Variants in LNX2 observed in about 807,000 individuals in gnomAD.
LNX2 encodes the protein ligand of Numb protein X 2.
Under a neutral mutation model 66.2 loss-of-function variants are expected in LNX2, and 35 were observed. The observed-to-expected ratio is 0.53, with a 90% confidence interval of 0.40 to 0.70. LNX2 has a LOEUF of 0.70. LNX2 is among the 30% of genes least tolerant of loss of function. LNX2 has a pLI of 0.00. For missense variants in LNX2, 791 were observed against 850.8 expected (o/e 0.93, Z 0.87); for synonymous variants, 337 against 315.6 (o/e 1.07, Z -0.72).
chr13:27,558,891 T>G (rs1050640300), intron 6 of LNX2, among the ~76,000 whole-genome samples: 1 of 152,252 alleles, frequency 6.6e-6, no homozygotes, highest in East Asian at 1.9e-4. Flanking sequence ...TATGCTTTCT[T>G]AGGGTACCAG....
In LNX2 at chr13:27,581,361, G is replaced by T; in HGVS notation, c.343C>A (p.Pro115Thr). 2 of 1,570,406 alleles carry T rather than the reference G, an allele frequency of 1.3e-6. No individual in the cohort carries two copies. Among genetic ancestry groups the T allele is most frequent in the Non-Finnish European group, 1.7e-6 (2 of 1,154,686 alleles). ...ACATCTTTGCACACTGAAGAAAATG[G>T]ACATAAAACTAATAATTTGTCTAGG... ...KLLDKLLVLC[P>T]FSSVCKDVMQ... is the part of the protein sequence containing the mutation. The change falls in exon 2 of 10, where the codon CCA becomes ACA. Residue 115 changes from proline to threonine, a missense_variant. Physicochemically the swap from Pro to Thr is conservative, Grantham distance 38 (BLOSUM62 -1). Transcript: ENST00000316334.
intron 1 of LNX2, among the ~76,000 whole-genome samples, chr13:27,614,018 T>C (rs186892634): frequency 3.9e-5 from 6 of 152,318 alleles, no homozygotes; most frequent in East Asian, 1.9e-4. Flanking sequence ...AGTGAAAACA[T>C]AGCAGTGGGG....
chr13:27,588,133 A>G (rs1955511906), intron 1 of LNX2, among the ~76,000 whole-genome samples: 1 of 152,084 alleles, frequency 6.6e-6, no homozygotes, highest in South Asian at 2.1e-4. Flanking sequence ...AAATTCATGC[A>G]ACTACCATAT....
rs1254840221 is a variant in LNX2 at position 27,583,210 on chromosome 13, G to GCGCGCGCGTGCCCTCTCCAATATAACTT, written c.-100-1408_-100-1407insAAGTTATATTGGAGAGGGCACGCGCGCG. On this transcript the variant is annotated intron_variant, in intron 1 of 9. Coordinates refer to ENST00000316334, the MANE Select transcript of LNX2 (RefSeq NM_153371.4). ...TGTGTGTGTGTGTGTGTGTGTGTGT[G>GCGCGCGCGTGCCCTCTCCAATATAACTT]TGTGTGTGTGTGTGTGTGTGTGTGT... Among the ~76,000 whole-genome samples the GCGCGCGCGTGCCCTCTCCAATATAACTT allele has an allele frequency of 1.9e-3, 42 of 22,084 alleles. 6 individuals carry two copies. The highest frequency in any genetic ancestry group is 2.9e-3 in the Non-Finnish European group (32 of 11,062). 14.5% of individuals were successfully genotyped at this position (22,084 alleles called of 152,430 possible).
Position 27,554,673 on chromosome 13 carries a change from GT to G in LNX2, c.1547-1235del, listed in dbSNP as rs147755852. Among the ~76,000 whole-genome samples the G allele has an allele frequency of 2.8e-4, 43 of 152,246 alleles. No individual in the cohort carries two copies. In the East Asian group the frequency reaches 4.4e-3, roughly 16 times the overall value. ...GAGTGGTTTCCACTTTCTGGCTATT[GT>G]GAATAATGCTGCTATGAACACTGGT... is the stretch of plus-strand genomic sequence containing the variant. On this transcript the variant is annotated intron_variant, in intron 7 of 9. Coordinates refer to ENST00000316334, the MANE Select transcript of LNX2 (RefSeq NM_153371.4).
chr13:27,556,360 T>C lies in LNX2; in HGVS notation c.1422A>G (p.Glu474=), dbSNP rs1955060880. The change falls in exon 7 of 10, where the codon GAA becomes GAG. Residue 474 remains glutamate (E), a synonymous_variant. Transcript: ENST00000316334. The stretch of plus-strand genomic sequence containing the variant: ...CGGTCATGCCAAGGGATTCATGTGG[T>C]TCCTTCTTTACAGTAATGTGTTTTT... ...CQEKHITVKK[E]PHESLGMTVA... 6.2e-7 allele frequency: 1 copy of C among 1,614,006 alleles called. No individual in the cohort carries two copies.
intron 1 of LNX2, among the ~76,000 whole-genome samples, chr13:27,582,347 A>T (rs1056137870): frequency 2.3e-4 from 34 of 150,962 alleles, no homozygotes; most frequent in Non-Finnish European, 4.3e-4. Flanking sequence ...AGTTCTTGAT[A>T]AAAAAACAAC....
intron 1 of LNX2, among the ~76,000 whole-genome samples, chr13:27,611,377 C>T (rs1255123180): frequency 6.6e-6 from 1 of 152,152 alleles, no homozygotes; most frequent in Non-Finnish European, 1.5e-5. Flanking sequence ...TGTATGATTT[C>T]ATTTACATGC....
intron 1 of LNX2, among the ~76,000 whole-genome samples, chr13:27,610,373 A>G (rs146817593): frequency 3.3e-5 from 5 of 152,246 alleles, no homozygotes; most frequent in African/African-American, 1.2e-4. Flanking sequence ...AGCGACATCA[A>G]TTCTCCCAAT....
intron 1 of LNX2, among the ~76,000 whole-genome samples, chr13:27,602,409 G>A (rs1319708617): frequency 2.0e-5 from 3 of 152,074 alleles, no homozygotes; most frequent in Non-Finnish European, 4.4e-5. Flanking sequence ...CCGCTGGTCT[G>A]ATATTCTTTC....
chr13:27,611,491 A>C (rs1593266762), intron 1 of LNX2, among the ~76,000 whole-genome samples: 1 of 152,254 alleles, frequency 6.6e-6, no homozygotes, highest in Non-Finnish European at 1.5e-5. Context: ...CTTCAGTTTC[A>C]TAAGATGAAA....
At position 27,562,454 on chromosome 13, in the gene LNX2, G is replaced by C. The variant is rs757943490; in HGVS notation, c.1183C>G (p.Leu395Val). ...DRVLAINGHD[L>V]KYGTPELAAQ... The stretch of plus-strand genomic sequence containing the variant: ...GCAAGCTCCGGAGTTCCATACTTCA[G>C]GTCGTGCCCATTGATGGCCAGCACT... The change falls in exon 5 of 10, where the codon CTG becomes GTG. Residue 395 changes from leucine to valine, a missense_variant. Leu to Val is a conservative substitution (Grantham distance 32). Transcript: ENST00000316334. The C allele has an allele frequency of 6.2e-7, 1 of 1,614,134 alleles. No individual in the cohort carries two copies. The highest frequency in any genetic ancestry group is 1.7e-5 in the Admixed American group (1 of 60,026).
chr13:27,553,245 A>T lies in LNX2; in HGVS notation c.1741T>A (p.Trp581Arg). 1 of 1,614,166 alleles carries T rather than the reference A, an allele frequency of 6.2e-7. No individual in the cohort carries two copies. Among genetic ancestry groups the T allele is most frequent in the Non-Finnish European group, 8.5e-7 (1 of 1,180,022 alleles). Residue 581 changes from tryptophan to arginine, a missense_variant, in exon 8 of 10, where the codon TGG becomes AGG. Physicochemically the swap from Trp to Arg is moderately radical, Grantham distance 101 (BLOSUM62 -3). Coordinates refer to ENST00000316334, the MANE Select transcript of LNX2 (RefSeq NM_153371.4). ...TFSENEYDAS[W>R]SPSWVMWLGL... The stretch of plus-strand genomic sequence containing the variant: ...AGCCACATGACCCATGATGGGGACC[A>T]ACTGGCATCATACTCATTTTCGCTG...
At chr13:27,600,845 AG>A (rs1955650064) in intron 1 of LNX2, among the ~76,000 whole-genome samples, 1 of 152,344 alleles carries the variant, frequency 6.6e-6, no homozygotes, top group Admixed American at 6.5e-5. Context: ...CACAGTAGCC[AG>A]GGACATGTGA....
chr13:27,614,255 T>C (rs1593268020), intron 1 of LNX2, among the ~76,000 whole-genome samples: 1 of 152,354 alleles, frequency 6.6e-6, no homozygotes, highest in South Asian at 2.1e-4. Context: ...CCAGCCACTA[T>C]TCCAGAGGTC....
chr13:27,597,581 G>T (rs1234035349), intron 1 of LNX2, among the ~76,000 whole-genome samples: 2 of 152,158 alleles, frequency 1.3e-5, no homozygotes, highest in Admixed American at 6.6e-5. Flanking sequence ...TGAGTCAAAT[G>T]ATGTGACTAG....
chr13:27,553,240 G>C lies in LNX2; in HGVS notation c.1746C>G (p.Ser582=). The C allele has an allele frequency of 6.2e-7, 1 of 1,614,090 alleles. No homozygotes were observed. The highest frequency in any genetic ancestry group is 2.2e-5 in the East Asian group (1 of 44,870). Reference sequence around the variant, plus strand: ...GCCCAAGCCACATGACCCATGATGGGGACCAACTGGCATCATACTCATTTT... The same window carrying C: ...GCCCAAGCCACATGACCCATGATGGCGACCAACTGGCATCATACTCATTTT... ...FSENEYDASW[S]PSWVMWLGLP... The change falls in exon 8 of 10, where the codon TCC becomes TCG. Residue 582 remains serine, a synonymous_variant. Transcript: ENST00000316334.
At chr13:27,568,386 C>T (rs1416614696) in intron 3 of LNX2, among the ~76,000 whole-genome samples, 1 of 152,142 alleles carries the variant, frequency 6.6e-6, no homozygotes, top group African/African-American at 2.4e-5. Context: ...GGGCCCACTA[C>T]CATGATATGC....
At chr13:27,619,957 G>A (rs1593271411) in intron 1 of LNX2, among the ~76,000 whole-genome samples, 1 of 152,082 alleles carries the variant, frequency 6.6e-6, no homozygotes, top group South Asian at 2.1e-4. Flanking sequence ...CCCGATAAAG[G>A]CAGCTAGTGC....
Sources: allele counts gnomAD v4.1 joint callset (sites outside exome capture counted in the v4.1 genomes callset), GRCh38; gene constraint gnomAD v4.1.1; transcripts MANE v1.5; gene names NCBI Gene and HGNC (gene_info 2026-07-23, HGNC 2026-07-21).